Variants in FKBP1A observed in about 807,000 individuals in gnomAD.
The protein encoded by FKBP1A is FKBP prolyl isomerase 1A.
In FKBP1A, 5 loss-of-function variants were observed where a neutral mutation model predicts 14.2. The observed-to-expected ratio is 0.35, with a 90% CI of 0.18 to 0.74. FKBP1A has a LOEUF of 0.74. Among genes scored for constraint, FKBP1A ranks in the 30% least tolerant of loss-of-function variants. The pLI is 0.56. For synonymous variants in FKBP1A, 42 were observed against 49.1 expected (o/e 0.86, Z 0.60); for missense variants, 53 against 138.8 (o/e 0.38, Z 3.10).
rs1425857599 is a variant in FKBP1A, at chr20:1,386,732, G to A, written c.85+6102C>T. 1.3e-5 allele frequency among the ~76,000 whole-genome samples: 2 copies of A among 152,216 alleles called. No homozygotes were observed. Among genetic ancestry groups the A allele is most frequent in the African/African-American group, 4.8e-5 (2 of 41,446 alleles). ...TGGAGCATTCGAGGAATGAATGCAGGCCAAGGTGGCTTGAGCTCCTGGGAG... is the reference window on the plus strand; with the variant it reads ...TGGAGCATTCGAGGAATGAATGCAGACCAAGGTGGCTTGAGCTCCTGGGAG... On this transcript the variant is annotated intron_variant, in intron 2 of 4. Coordinates refer to ENST00000400137, the MANE Select transcript of FKBP1A (RefSeq NM_000801.5). The surrounding 1 kb of genome is among the most constrained non-coding windows in gnomAD (Gnocchi z 4.7).
intron 2 of FKBP1A, among the ~76,000 whole-genome samples, chr20:1,376,208 A>G (rs1357603047): frequency 6.6e-6 from 1 of 152,164 alleles, no homozygotes; most frequent in Non-Finnish European, 1.5e-5. Context: ...AGGAAGCTAT[A>G]AGGCAAGCTT....
chr20:1,386,122 T>A lies in FKBP1A; in HGVS notation c.85+6712A>T, dbSNP rs56295224. Among the ~76,000 whole-genome samples, 17,754 of 152,202 alleles carry A rather than the reference T, an allele frequency of 0.12. 1,296 individuals carry two copies. Among genetic ancestry groups the A allele is most frequent in the African/African-American group, 0.19 (7,930 of 41,492 alleles). ...GACATTCATCAAGTACTTACAGAAATATCAAAGGTACCCTTTTCTCCTCCT... is the reference window on the plus strand; with the variant it reads ...GACATTCATCAAGTACTTACAGAAAAATCAAAGGTACCCTTTTCTCCTCCT... On this transcript the variant is annotated intron_variant, in intron 2 of 4. Transcript: ENST00000400137. This position sits in a 1 kb window ranked among gnomAD's most constrained non-coding sequence, Gnocchi z 4.7.
chr20:1,375,291 TTA>T (rs2089525309), intron 3 of FKBP1A, 198 bp downstream of exon 3: 5 of 596,956 alleles, frequency 8.4e-6, no homozygotes, highest in South Asian at 4.3e-5. Flanking sequence ...AAGAAAAAAG[TTA>T]TGTTTTTATA....
rs2089433507 is a variant in FKBP1A, at chr20:1,369,559, T to C, written c.*550A>G. On this transcript the variant is annotated 3_prime_UTR_variant, in exon 5 of 5. Transcript: ENST00000400137. ...TCCCCATCCCCACCTCAGTTTTAGGTAGGGCTTTTAATTTAACCCAAAGAC... is the reference window on the plus strand; with the variant it reads ...TCCCCATCCCCACCTCAGTTTTAGGCAGGGCTTTTAATTTAACCCAAAGAC... The C allele has an allele frequency of 6.0e-6, 1 of 167,722 alleles. No homozygotes were observed. The highest frequency in any genetic ancestry group is 1.5e-5 in the Non-Finnish European group (1 of 68,594). 10.4% of individuals were successfully genotyped at this position (167,722 alleles called of 1,614,324 possible). A position where few individuals can be genotyped will look rare whatever the true frequency, so the allele number is the denominator to read the frequency against.
intron 2 of FKBP1A, among the ~76,000 whole-genome samples, chr20:1,390,061 C>T (rs1171071966): frequency 2.6e-5 from 4 of 152,206 alleles, no homozygotes; most frequent in Admixed American, 6.5e-5. Context: ...TTGAGAGTGA[C>T]ATCAAGGTGA....
chr20:1,381,151 G>A (rs1449259395), intron 2 of FKBP1A, among the ~76,000 whole-genome samples: 1 of 152,090 alleles, frequency 6.6e-6, no homozygotes, highest in Non-Finnish European at 1.5e-5. Context: ...GCACTGTTAA[G>A]AAAATGAAAG....
chr20:1,369,725 C>G lies in FKBP1A; in HGVS notation c.*384G>C, dbSNP rs1008569706. 3.4e-5 allele frequency: 8 copies of G among 237,208 alleles called. No individual in the cohort carries two copies. The East Asian group carries it at 3.8e-4, about 11-fold the overall frequency. 14.7% of individuals were successfully genotyped at this position (237,208 alleles called of 1,614,324 possible). ...TTAAAATAAAATATTCTTGCAAACCCCCCCCCCAACACCAATTCCTATTCT... is the reference window on the plus strand; with the variant it reads ...TTAAAATAAAATATTCTTGCAAACCGCCCCCCCAACACCAATTCCTATTCT... On this transcript the variant is annotated 3_prime_UTR_variant, in exon 5 of 5. Coordinates refer to ENST00000400137, the MANE Select transcript of FKBP1A (RefSeq NM_000801.5).
At chr20:1,383,758 GC>G (rs1484207321) in intron 2 of FKBP1A, among the ~76,000 whole-genome samples, 1 of 149,314 alleles carries the variant, frequency 6.7e-6, no homozygotes, top group African/African-American at 2.5e-5. Context: ...GATCACTTGA[GC>G]CCAGAGGTTT....
chr20:1,370,180 G>T, intron 4 of FKBP1A, 108 bp from the exon 5 acceptor site: 1 of 1,487,288 alleles, frequency 6.7e-7, no homozygotes, highest in South Asian at 1.3e-5. Flanking sequence ...CCCAACAGCT[G>T]AGCAGTCTGA....
chr20:1,372,043 A>T, intron 4 of FKBP1A, 33 bp downstream of exon 4: 1 of 1,597,290 alleles, frequency 6.3e-7, no homozygotes, highest in Middle Eastern at 1.8e-4. Context: ...GAGCAAAGGC[A>T]GTGAAGGGCC....
chr20:1,375,158 G>A (rs571176315), intron 3 of FKBP1A: 1 of 509,602 alleles, frequency 2.0e-6, no homozygotes, highest in Admixed American at 3.7e-5. Context: ...GCCTCCCAAA[G>A]TGCTGGAATT....
At chr20:1,372,967 A>G (rs2089488851) in intron 3 of FKBP1A, 1 of 152,266 alleles carries the variant, frequency 6.6e-6, no homozygotes. Context: ...AAATAAGTAT[A>G]AAATATCTAC....
chr20:1,385,515 C>T lies in FKBP1A; in HGVS notation c.85+7319G>A, dbSNP rs144206151. On this transcript the variant is annotated intron_variant, in intron 2 of 4. Transcript: ENST00000400137. ...CCTCTGTTACAGACTATTATTACAA[C>T]TCCCTCCCTGGTCTCCCTGCTTCTG... 1.4e-3 allele frequency among the ~76,000 whole-genome samples: 211 copies of T among 152,226 alleles called. 2 individuals are homozygous for T. Among genetic ancestry groups the T allele is most frequent in the East Asian group, 0.011 (58 of 5,188 alleles).
chr20:1,388,886 C>A (rs2089699364), intron 2 of FKBP1A, among the ~76,000 whole-genome samples: 1 of 152,218 alleles, frequency 6.6e-6, no homozygotes, highest in African/African-American at 2.4e-5. Context: ...ACACAATCCA[C>A]TTCCTGTTCC....
At chr20:1,376,405 GC>G (rs2089544714) in intron 2 of FKBP1A, among the ~76,000 whole-genome samples, 1 of 152,196 alleles carries the variant, frequency 6.6e-6, no homozygotes, top group Non-Finnish European at 1.5e-5. Flanking sequence ...ATCCAATGCT[GC>G]CCCACAAAAC....
chr20:1,382,628 T>A (rs563414828), intron 2 of FKBP1A, among the ~76,000 whole-genome samples: 4 of 152,310 alleles, frequency 2.6e-5, no homozygotes, highest in Admixed American at 6.5e-5. Flanking sequence ...AGGACAAGCA[T>A]GAGGCCTTCA....
chr20:1,370,635 G>A (rs2089451441), intron 4 of FKBP1A: 2 of 985,400 alleles, frequency 2.0e-6, no homozygotes, highest in Non-Finnish European at 2.4e-6. Flanking sequence ...GTTTGCCCTT[G>A]GATTTTCCTT....
At chr20:1,392,784 G>C in intron 2 of FKBP1A, 50 bp downstream of exon 2, 1 of 1,414,218 alleles carries the variant, frequency 7.1e-7, no homozygotes, top group Non-Finnish European at 9.4e-7. Flanking sequence ...AGCCGCACCC[G>C]GGCTGCGGAC....
At chr20:1,376,263 T>C (rs1411596859) in intron 2 of FKBP1A, among the ~76,000 whole-genome samples, 1 of 152,250 alleles carries the variant, frequency 6.6e-6, no homozygotes, top group African/African-American at 2.4e-5. Flanking sequence ...ACAGGGAACC[T>C]GGGGCGTAAA....
Sources: gnomAD v4.1 joint callset for allele counts (sites outside exome capture counted in the v4.1 genomes callset) on GRCh38, gnomAD v4.1.1 for gene constraint, Gnocchi (gnomAD v3.1) non-coding constraint, MANE v1.5 for transcripts, NCBI Gene and HGNC (gene_info 2026-07-23, HGNC 2026-07-21) for gene names.